Variants in CFAP299 observed in about 807,000 individuals in gnomAD.
The protein encoded by CFAP299 is cilia- and flagella-associated protein 299.
In CFAP299, 21 loss-of-function variants were observed where a neutral mutation model predicts 27.0. The observed-to-expected ratio is 0.78, with a 90% confidence interval of 0.55 to 1.12. The LOEUF is 1.12. Ranked by LOEUF, CFAP299 falls within the 50% of genes most tolerant of loss-of-function variation. The pLI, the probability that CFAP299 is intolerant of heterozygous loss-of-function variation, is 0.00. For missense variants in CFAP299, 310 were observed against 276.6 expected, an observed-to-expected ratio of 1.12 and a Z score of -0.86; for synonymous variants, 104 against 98.1, an observed-to-expected ratio of 1.06 and a Z score of -0.36.
At chr4:80,583,616 G>A (rs1001424810) in intron 3 of CFAP299, among the ~76,000 whole-genome samples, 13 of 151,990 alleles carry the variant, frequency 8.6e-5, no homozygotes, top group East Asian at 1.9e-4. Flanking sequence ...TACAAATCAC[G>A]TAGTAGAAGA....
At chr4:80,323,153 G>A in the CFAP299 span, among the ~76,000 whole-genome samples, 1 of 152,184 alleles carries the variant, frequency 6.6e-6, no homozygotes, top group African/African-American at 2.4e-5. Flanking sequence ...AAGCTGGTTG[G>A]GATGAAGCAT....
chr4:80,524,488 T>C (rs1364709754), intron 2 of CFAP299, among the ~76,000 whole-genome samples: 8 of 151,902 alleles, frequency 5.3e-5, no homozygotes, highest in Non-Finnish European at 1.2e-4. Context: ...AAAATGTCTG[T>C]AGGTGTTTTC....
chr4:80,528,254 T>C lies in CFAP299; in HGVS notation c.243-54839T>C, dbSNP rs138818613. On this transcript the variant is annotated intron_variant, in intron 2 of 5. Coordinates refer to ENST00000358105, the MANE Select transcript of CFAP299 (RefSeq NM_152770.3). ...TTTGAGCCCATGAGACCCTCCTTCC[T>C]ATATTTTCAACCTCATTCTATTTAC... Among the ~76,000 whole-genome samples, 516 of 152,254 alleles carry C rather than the reference T, an allele frequency of 3.4e-3. 1 individual carries two copies. The highest frequency in any genetic ancestry group is 0.012 in the African/African-American group (502 of 41,546).
At chr4:80,774,711 T>C (rs1726425033) in intron 3 of CFAP299, among the ~76,000 whole-genome samples, 1 of 152,062 alleles carries the variant, frequency 6.6e-6, no homozygotes, top group African/African-American at 2.4e-5. Flanking sequence ...ATTAGTAATG[T>C]GAAATCAGCA....
intron 3 of CFAP299, among the ~76,000 whole-genome samples, chr4:80,789,005 A>G (rs983290734): frequency 6.6e-6 from 1 of 152,118 alleles, no homozygotes. Context: ...GCACATTGCC[A>G]AGTCACTTGA....
At chr4:80,490,648 C>G (rs188225509) in intron 2 of CFAP299, among the ~76,000 whole-genome samples, 11 of 152,228 alleles carry the variant, frequency 7.2e-5, no homozygotes, top group Admixed American at 2.0e-4. Flanking sequence ...GTATAACTTA[C>G]ATTCTTAACA....
At chr4:80,663,074 T>C (rs1740947397) in intron 3 of CFAP299, among the ~76,000 whole-genome samples, 2 of 152,086 alleles carry the variant, frequency 1.3e-5, no homozygotes, top group African/African-American at 4.8e-5. Flanking sequence ...TATTTTTATA[T>C]TAATAATCAG....
chr4:80,786,391 C>T (rs1290137255), intron 3 of CFAP299, among the ~76,000 whole-genome samples: 2 of 152,068 alleles, frequency 1.3e-5, no homozygotes, highest in East Asian at 1.9e-4. Flanking sequence ...ACACTATACA[C>T]TTTACAGTCC....
chr4:80,884,284 C>T (rs1733863149), intron 4 of CFAP299, among the ~76,000 whole-genome samples: 1 of 152,084 alleles, frequency 6.6e-6, no homozygotes, highest in African/African-American at 2.4e-5. Context: ...AGAAGTGTCT[C>T]AATAAATTTT....
intron 3 of CFAP299, among the ~76,000 whole-genome samples, chr4:80,842,110 GACTT>G (rs915354943): frequency 6.6e-6 from 1 of 152,054 alleles, no homozygotes; most frequent in African/African-American, 2.4e-5. Context: ...AGAGGTGGGG[GACTT>G]TGGCTGGGTC....
chr4:80,386,239 G>T, intron 2 of CFAP299: 3 of 1,094,490 alleles, frequency 2.7e-6, no homozygotes, highest in South Asian at 2.8e-5. Context: ...CTCGGCCCCG[G>T]CCTGCAGCCC....
At chr4:80,402,207 C>T (rs879650436) in intron 2 of CFAP299, among the ~76,000 whole-genome samples, 13 of 152,040 alleles carry the variant, frequency 8.6e-5, no homozygotes, top group South Asian at 8.3e-4. Context: ...TAAGACTTTG[C>T]GGGACTGTTA....
intron 3 of CFAP299, among the ~76,000 whole-genome samples, chr4:80,640,661 C>G (rs1424813609): frequency 1.3e-5 from 2 of 152,260 alleles, no homozygotes; most frequent in East Asian, 3.9e-4. Context: ...AGAAGTGACA[C>G]TAGGTATTAC....
At chr4:80,706,360 T>C (rs1721819660) in intron 3 of CFAP299, among the ~76,000 whole-genome samples, 1 of 151,814 alleles carries the variant, frequency 6.6e-6, no homozygotes, top group African/African-American at 2.4e-5. Flanking sequence ...ATCCCACTTA[T>C]ATTAAATCTT....
At chr4:80,613,308 G>A (rs1374608434) in intron 3 of CFAP299, among the ~76,000 whole-genome samples, 3 of 152,060 alleles carry the variant, frequency 2.0e-5, no homozygotes, top group African/African-American at 7.2e-5. Context: ...GACACCTGAA[G>A]TTTTTGGTGT....
rs866828596 is a variant in CFAP299, at chr4:80,737,374, T to C, written c.334-132619T>C. ...GAAAAAAGAATGGTATTATTTCTTC[T>C]TTAAAAGTATGGTAGAATTCAGCAG... On this transcript the variant is annotated intron_variant, in intron 3 of 5. Coordinates refer to ENST00000358105, the MANE Select transcript of CFAP299 (RefSeq NM_152770.3). Among the ~76,000 whole-genome samples, 4 of 152,296 alleles carry C rather than the reference T, an allele frequency of 2.6e-5. No individual in the cohort carries two copies. In the South Asian group the frequency reaches 8.3e-4, roughly 32 times the overall value.
At chr4:80,898,253 G>T (rs1734709259) in intron 4 of CFAP299, among the ~76,000 whole-genome samples, 1 of 152,094 alleles carries the variant, frequency 6.6e-6, no homozygotes, top group Non-Finnish European at 1.5e-5. Context: ...ATGAAAGTTG[G>T]TTTCAGCAGG....
At chr4:80,524,056 A>T (rs1733051999) in intron 2 of CFAP299, among the ~76,000 whole-genome samples, 1 of 152,122 alleles carries the variant, frequency 6.6e-6, no homozygotes, top group Non-Finnish European at 1.5e-5. Flanking sequence ...GAGATCATCA[A>T]AGGAGAGTAT....
chr4:80,583,864 C>T (rs913426564), intron 3 of CFAP299, among the ~76,000 whole-genome samples: 5 of 151,750 alleles, frequency 3.3e-5, no homozygotes, highest in African/African-American at 1.2e-4. Context: ...GACTGACTTA[C>T]AGAAAAATAA....
Sources: gnomAD v4.1 joint callset for allele counts (sites outside exome capture counted in the v4.1 genomes callset) on GRCh38, gnomAD v4.1.1 for gene constraint, MANE v1.5 for transcripts, NCBI Gene and HGNC (gene_info 2026-07-23, HGNC 2026-07-21) for gene names.